PRPH: variants seen among roughly 807,000 people sequenced by gnomAD.
PRPH encodes peripherin.
Under a neutral mutation model 52.6 loss-of-function variants are expected in PRPH, and 48 were observed. That is an observed-to-expected ratio of 0.91 (90% CI 0.72 to 1.16). The LOEUF (loss-of-function observed/expected upper bound fraction) is 1.16. Ranked by LOEUF, PRPH falls within the 50% of genes most tolerant of loss-of-function variation. The pLI, the probability that PRPH is intolerant of heterozygous loss-of-function variation, is 0.00. For synonymous variants in PRPH, 279 were observed against 283.8 expected (o/e 0.98, Z 0.17); for missense variants, 579 against 635.7 (o/e 0.91, Z 0.96).
At chr12:49,295,786 C>T (rs570258096) in intron 1 of PRPH, 41 bp downstream of exon 1, 1 of 1,439,116 alleles carries the variant, frequency 6.9e-7, no homozygotes, top group East Asian at 2.6e-5. Context: ...GAGGCGAGGT[C>T]GAAGCGGCCG....
Position 49,296,039 on chromosome 12 carries a change from T to A in PRPH, c.546-139T>A. On this transcript the variant is annotated intron_variant, in intron 1 of 8. Coordinates refer to ENST00000257860, the MANE Select transcript of PRPH (RefSeq NM_006262.4). This position sits in a 1 kb window ranked among gnomAD's most constrained non-coding sequence, Gnocchi z 5.1. ...TCCGTTAGAGACAATGCGGGGCAAT[T>A]CCATTAGACAGCCTCAGCCCTCCAT... 1 of 1,314,864 alleles carries A rather than the reference T, an allele frequency of 7.6e-7. No homozygotes were observed. 81.4% of individuals were successfully genotyped at this position (1,314,864 alleles called of 1,614,324 possible). A position where few individuals can be genotyped will look rare whatever the true frequency, so the allele number is the denominator to read the frequency against.
At position 49,296,317 on chromosome 12, in the gene PRPH, C is replaced by T; in HGVS notation, c.606+79C>T. On this transcript the variant is annotated intron_variant, in intron 2 of 8. Coordinates refer to ENST00000257860, the MANE Select transcript of PRPH (RefSeq NM_006262.4). This position sits in a 1 kb window ranked among gnomAD's most constrained non-coding sequence, Gnocchi z 5.1. ...AGTATCCAGAGGTGGCATCGGTGGG[C>T]GCGGGGAGAAGGGGGTAACCCAGAT... 6.3e-7 allele frequency: 1 copy of T among 1,576,210 alleles called. No individual in the cohort carries two copies. Among genetic ancestry groups the T allele is most frequent in the Non-Finnish European group, 8.7e-7 (1 of 1,150,626 alleles).
In PRPH at chr12:49,296,754, G is replaced by A; in HGVS notation, c.703-135G>A. ...CCTCTGGTCTCGCGCCCGCGGGGGCGCAGGGCTGTACGCCCTGCCCTCCCT... is the reference window on the plus strand; with the variant it reads ...CCTCTGGTCTCGCGCCCGCGGGGGCACAGGGCTGTACGCCCTGCCCTCCCT... On this transcript the variant is annotated intron_variant, in intron 3 of 8. Coordinates refer to ENST00000257860, the MANE Select transcript of PRPH (RefSeq NM_006262.4). The surrounding 1 kb of genome is among the most constrained non-coding windows in gnomAD (Gnocchi z 5.1). The A allele has an allele frequency of 3.6e-6, 5 of 1,388,430 alleles. No homozygotes were observed. The highest frequency in any genetic ancestry group is 2.5e-5 in the East Asian group (1 of 40,010). The allele number at this position is 1,388,430 out of a possible 1,614,324, so 86.0% of individuals were successfully genotyped here.
rs760473732 is a variant in PRPH, at chr12:49,296,542, T to C, written c.702+15T>C. On this transcript the variant is annotated intron_variant, in intron 3 of 8. Transcript: ENST00000257860. The surrounding 1 kb of genome is among the most constrained non-coding windows in gnomAD (Gnocchi z 5.1). Reference sequence around the variant, plus strand: ...TGCACGAGGAGGTAAGTGGGCCCGGTATCAGGGGCGGTTTCTGAGGTTGTG... The same window carrying C: ...TGCACGAGGAGGTAAGTGGGCCCGGCATCAGGGGCGGTTTCTGAGGTTGTG... 1.9e-5 allele frequency: 31 copies of C among 1,611,182 alleles called. No homozygotes were observed. The highest frequency in any genetic ancestry group is 3.3e-5 in the Admixed American group (2 of 59,914).
In PRPH at chr12:49,296,047, A is replaced by C. The variant is rs2137038507; in HGVS notation, c.546-131A>C. On this transcript the variant is annotated intron_variant, in intron 1 of 8. Coordinates refer to ENST00000257860, the MANE Select transcript of PRPH (RefSeq NM_006262.4). The surrounding 1 kb of genome is among the most constrained non-coding windows in gnomAD (Gnocchi z 5.1). ...AGACAATGCGGGGCAATTCCATTAG[A>C]CAGCCTCAGCCCTCCATTTAGAGTC... 1 of 1,319,124 alleles carries C rather than the reference A, an allele frequency of 7.6e-7. No individual in the cohort carries two copies. The highest frequency in any genetic ancestry group is 1.1e-6 in the Non-Finnish European group (1 of 950,602). The allele number at this position is 1,319,124 out of a possible 1,614,324, so 81.7% of individuals were successfully genotyped here.
rs1943193601 is a variant in PRPH, at chr12:49,297,150, C to T, written c.873C>T (p.Tyr291=). ...QEAEEWYKSK[Y]ADLSDAANRN... is the part of the protein sequence containing the mutation. ...CCTGGGTTACCCCCACTTCTCAGTA[C>T]GCGGACCTGTCCGACGCTGCCAACC... The change falls in exon 5 of 9, where the codon TAC becomes TAT. Residue 291 remains tyrosine (Y), a splice_region_variant and synonymous_variant. Coordinates refer to ENST00000257860, the MANE Select transcript of PRPH (RefSeq NM_006262.4). The surrounding 1 kb of genome is among the most constrained non-coding windows in gnomAD (Gnocchi z 4.4). 2.5e-6 allele frequency: 4 copies of T among 1,614,018 alleles called. No individual in the cohort carries two copies. The highest frequency in any genetic ancestry group is 1.6e-4 in the Middle Eastern group (1 of 6,062).
At position 49,297,080 on chromosome 12, in the gene PRPH, G is replaced by T. The variant is rs546996972; in HGVS notation, c.870+24G>T. On this transcript the variant is annotated intron_variant, in intron 4 of 8. Coordinates refer to ENST00000257860, the MANE Select transcript of PRPH (RefSeq NM_006262.4). The surrounding 1 kb of genome is among the most constrained non-coding windows in gnomAD (Gnocchi z 4.4). Reference sequence around the variant, plus strand: ...AGGTGCAAGAGCCGGGAGGGCCTGCGAGGCGGGACGCTGGGGTGGTGTCGC... The same window carrying T: ...AGGTGCAAGAGCCGGGAGGGCCTGCTAGGCGGGACGCTGGGGTGGTGTCGC... 3.7e-6 allele frequency: 6 copies of T among 1,613,884 alleles called. No homozygotes were observed. In the South Asian group the frequency reaches 6.6e-5, roughly 18 times the overall value.
Position 49,295,563 on chromosome 12 carries a change from G to A in PRPH, c.363G>A (p.Gln121=). ...FIEKVRFLEQ[Q]NAALRGELSQ... ...AGAAGGTACGCTTTCTGGAGCAGCA[G>A]AACGCGGCCCTGCGCGGGGAGCTGA... Residue 121 remains glutamine (Q), a synonymous_variant, in exon 1 of 9, where the codon CAG becomes CAA. Coordinates refer to ENST00000257860, the MANE Select transcript of PRPH (RefSeq NM_006262.4). The A allele has an allele frequency of 6.4e-7, 1 of 1,571,208 alleles. No homozygotes were observed. Among genetic ancestry groups the A allele is most frequent in the Non-Finnish European group, 8.6e-7 (1 of 1,158,606 alleles).
Position 49,297,412 on chromosome 12 carries a change from C to CG in PRPH, c.1058dup (p.Tyr354LeufsTer72). 1.2e-6 allele frequency: 2 copies of CG among 1,613,356 alleles called. No homozygotes were observed. ...CTGGAGGAGCAGTTCGCCCTGGAGGCGGGGGGCTACCAGGCGGGCGCTGCG... is the reference window on the plus strand; with the variant it reads ...CTGGAGGAGCAGTTCGCCCTGGAGGCGGGGGGGCTACCAGGCGGGCGCTGCG... On this transcript the variant is annotated frameshift_variant, in exon 6 of 9. Coordinates refer to ENST00000257860, the MANE Select transcript of PRPH (RefSeq NM_006262.4). LOFTEE classifies it high-confidence loss of function. This position sits in a 1 kb window ranked among gnomAD's most constrained non-coding sequence, Gnocchi z 4.4.
At position 49,297,861 on chromosome 12, in the gene PRPH, AAC is replaced by A; in HGVS notation, c.1268-96_1268-95del. The A allele has an allele frequency of 6.3e-7, 1 of 1,581,586 alleles. No individual in the cohort carries two copies. Among genetic ancestry groups the A allele is most frequent in the Non-Finnish European group, 8.7e-7 (1 of 1,151,256 alleles). On this transcript the variant is annotated intron_variant, in intron 7 of 8. Coordinates refer to ENST00000257860, the MANE Select transcript of PRPH (RefSeq NM_006262.4). The surrounding 1 kb of genome is among the most constrained non-coding windows in gnomAD (Gnocchi z 4.4). ...GGCCTGTACCCACCCCTACTCCTCA[AAC>A]CCGCCCCTCCCCTGCCCTCAGGGAT...
chr12:49,298,250 G>A, intron 8 of PRPH, 38 bp from the exon 9 acceptor site: 1 of 1,612,990 alleles, frequency 6.2e-7, no homozygotes, highest in African/African-American at 1.3e-5. Flanking sequence ...GGGTGGCGCT[G>A]AATGGCTTGT....
intron 1 of PRPH, 148 bp downstream of exon 1, chr12:49,295,893 C>T: frequency 6.9e-7 from 1 of 1,440,788 alleles, no homozygotes; most frequent in Non-Finnish European, 9.1e-7. Context: ...CGGGCAGCAT[C>T]CCTGCCCACG....
At position 49,296,561 on chromosome 12, in the gene PRPH, G is replaced by A; in HGVS notation, c.702+34G>A. ...GCCCGGTATCAGGGGCGGTTTCTGA[G>A]GTTGTGGGGTGGTCTCGCTGGAGCT... is the stretch of plus-strand genomic sequence containing the variant. On this transcript the variant is annotated intron_variant, in intron 3 of 8. Coordinates refer to ENST00000257860, the MANE Select transcript of PRPH (RefSeq NM_006262.4). The surrounding 1 kb of genome is among the most constrained non-coding windows in gnomAD (Gnocchi z 5.1). 1 of 1,594,772 alleles carries A rather than the reference G, an allele frequency of 6.3e-7. No individual in the cohort carries two copies. The highest frequency in any genetic ancestry group is 8.6e-7 in the Non-Finnish European group (1 of 1,163,960).
intron 1 of PRPH, 73 bp downstream of exon 1, chr12:49,295,818 C>T: frequency 7.0e-7 from 1 of 1,434,358 alleles, no homozygotes; most frequent in Non-Finnish European, 9.1e-7. Context: ...GCTCTTGCCT[C>T]CCCTCGCTTC....
In PRPH at chr12:49,296,109, G is replaced by C; in HGVS notation, c.546-69G>C. On this transcript the variant is annotated intron_variant, in intron 1 of 8. Transcript: ENST00000257860. This position sits in a 1 kb window ranked among gnomAD's most constrained non-coding sequence, Gnocchi z 5.1. ...AACAGCCTCTAACCGGATCCTGGGGGGCGTGCGGTCTGGGGTGCGAGCTGG... is the reference window on the plus strand; with the variant it reads ...AACAGCCTCTAACCGGATCCTGGGGCGCGTGCGGTCTGGGGTGCGAGCTGG... 6.6e-7 allele frequency: 1 copy of C among 1,512,418 alleles called. No homozygotes were observed. Among genetic ancestry groups the C allele is most frequent in the South Asian group, 1.2e-5 (1 of 85,386 alleles). The allele number at this position is 1,512,418 out of a possible 1,614,324, so 93.7% of individuals were successfully genotyped here.
chr12:49,298,107 C>G lies in PRPH; in HGVS notation c.1347+70C>G, dbSNP rs1592298390. ...TATTTCTGAGCCCCAGCCTGGCTGT[C>G]GCTAATCTTACTTAGGGTGGGTAAT... is the stretch of plus-strand genomic sequence containing the variant. On this transcript the variant is annotated intron_variant, in intron 8 of 8. Coordinates refer to ENST00000257860, the MANE Select transcript of PRPH (RefSeq NM_006262.4). 4 of 1,557,254 alleles carry G rather than the reference C, an allele frequency of 2.6e-6. No individual in the cohort carries two copies. The African/African-American group carries it at 4.1e-5, about 16-fold the overall frequency.
intron 1 of PRPH, 139 bp downstream of exon 1, chr12:49,295,884 G>C (rs879718441): frequency 1.9e-5 from 28 of 1,439,602 alleles, no homozygotes; most frequent in Non-Finnish European, 2.5e-5. Context: ...AGGTGTGTGC[G>C]GGCAGCATCC....
rs1251818021 is a variant in PRPH, at chr12:49,298,479, G to C, written c.*126G>C. On this transcript the variant is annotated 3_prime_UTR_variant, in exon 9 of 9. Coordinates refer to ENST00000257860, the MANE Select transcript of PRPH (RefSeq NM_006262.4). Reference sequence around the variant, plus strand: ...AGGTGGTACCAGGCATCCCTTTCCTGGCTTATGGCCAAGCCCTACCCGGCC... The same window carrying C: ...AGGTGGTACCAGGCATCCCTTTCCTCGCTTATGGCCAAGCCCTACCCGGCC... The C allele has an allele frequency of 9.3e-7, 1 of 1,078,750 alleles. No individual in the cohort carries two copies. The highest frequency in any genetic ancestry group is 2.6e-5 in the East Asian group (1 of 39,000). The allele number at this position is 1,078,750 out of a possible 1,614,324, so 66.8% of individuals were successfully genotyped here.
rs768362682 is a variant in PRPH at position 49,297,673 on chromosome 12, C to G, written c.1218-4C>G. The G allele has an allele frequency of 1.9e-6, 3 of 1,613,616 alleles. No individual in the cohort carries two copies. Among genetic ancestry groups the G allele is most frequent in the Admixed American group, 3.3e-5 (2 of 60,024 alleles). On this transcript the variant is annotated splice_polypyrimidine_tract_variant and splice_region_variant and intron_variant, in intron 6 of 8. Transcript: ENST00000257860. This position sits in a 1 kb window ranked among gnomAD's most constrained non-coding sequence, Gnocchi z 4.4. ...GGGGCGCTGACAACTTGCTTCGCCT[C>G]TAGGATCTCCGTGCCCGTCCATTCT...
Sources: allele counts gnomAD v4.1 joint callset, GRCh38; gene constraint gnomAD v4.1.1; non-coding constraint Gnocchi (gnomAD v3.1); transcripts MANE v1.5; gene names NCBI Gene and HGNC (gene_info 2026-07-23, HGNC 2026-07-21).